PPP1R8: variants seen among roughly 807,000 people sequenced by gnomAD.
PPP1R8 encodes the protein nuclear inhibitor of protein phosphatase 1.
In PPP1R8, 4 loss-of-function variants were observed where a neutral mutation model predicts 31.3. That is an observed-to-expected ratio of 0.13 (90% CI 0.06 to 0.29). The LOEUF (loss-of-function observed/expected upper bound fraction) is 0.29. Ranked by LOEUF, PPP1R8 falls within the 10% of genes least tolerant of loss-of-function variation. PPP1R8 has a pLI of 1.00. For synonymous variants in PPP1R8, 170 were observed against 169.7 expected (o/e 1.00, Z -0.01); for missense variants, 254 against 440.1 (o/e 0.58, Z 3.78).
At chr1:27,841,770 A>G (rs181365328) in intron 4 of PPP1R8, among the ~76,000 whole-genome samples, 60 of 152,340 alleles carry the variant, frequency 3.9e-4, no homozygotes, top group Middle Eastern at 6.8e-3. Flanking sequence ...TCTTCTGAAT[A>G]GAGCCAGACT....
At chr1:27,843,688 C>T (rs919992437) in intron 5 of PPP1R8, among the ~76,000 whole-genome samples, 1 of 151,930 alleles carries the variant, frequency 6.6e-6, no homozygotes, top group Non-Finnish European at 1.5e-5. Flanking sequence ...CATAGTGGCT[C>T]ATGCCTATAA....
chr1:27,835,058 G>A (rs1054876119), intron 2 of PPP1R8, among the ~76,000 whole-genome samples: 2 of 152,010 alleles, frequency 1.3e-5, no homozygotes, highest in African/African-American at 4.8e-5. Context: ...TGTAATTGGG[G>A]TGCCTTTAAT....
intron 5 of PPP1R8, among the ~76,000 whole-genome samples, chr1:27,845,783 CTTTT>C (rs773994854): frequency 1.7e-4 from 16 of 91,814 alleles, no homozygotes; most frequent in African/African-American, 3.0e-4. Context: ...TTCTTTCTTT[CTTTT>C]TTTTTTTTTT....
At position 27,830,797 on chromosome 1, in the gene PPP1R8, C is replaced by T. The variant is rs17362452; in HGVS notation, c.-39C>T. On this transcript the variant is annotated 5_prime_UTR_variant, in exon 1 of 7. Coordinates refer to ENST00000311772, the MANE Select transcript of PPP1R8 (RefSeq NM_014110.5). ...CCTTCTCGGTCTTCCAGTTTCCCGG[C>T]GTGCTTAGGGCGCGCCAAATGGGAG... 5,231 of 1,559,714 alleles carry T rather than the reference C, an allele frequency of 3.4e-3. 49 individuals carry two copies. Among genetic ancestry groups the T allele is most frequent in the South Asian group, 0.021 (1,762 of 84,628 alleles).
rs1352236761 is a variant in PPP1R8, at chr1:27,843,258, A to G, written c.565A>G (p.Ile189Val). ...TACCATTGAGGAGGGAAATCTGGAC[A>G]TTCAAAGACCAAAGAGGAAGAGGAA... ...TLTIEEGNLD[I>V]QRPKRKRKNS... is the part of the protein sequence containing the mutation. The change falls in exon 5 of 7, where the codon ATT becomes GTT. Residue 189 changes from isoleucine to valine, a missense_variant. Around this residue, in one of 6 missense-constraint regions of PPP1R8, gnomAD observed 29 missense variants for 99.2 expected, o/e 0.29. Coordinates refer to ENST00000311772, the MANE Select transcript of PPP1R8 (RefSeq NM_014110.5). 2.5e-6 allele frequency: 4 copies of G among 1,614,114 alleles called. No homozygotes were observed. The Admixed American group carries it at 6.7e-5, about 27-fold the overall frequency.
intron 2 of PPP1R8, among the ~76,000 whole-genome samples, chr1:27,835,138 T>G (rs2089151017): frequency 6.6e-6 from 1 of 152,052 alleles, no homozygotes; most frequent in South Asian, 2.1e-4. Flanking sequence ...AAATCTCTAG[T>G]ATGTCTTTTG....
At chr1:27,845,384 C>T (rs1285858036) in intron 5 of PPP1R8, among the ~76,000 whole-genome samples, 28 of 147,774 alleles carry the variant, frequency 1.9e-4, no homozygotes, top group Non-Finnish European at 3.6e-4. Context: ...AGCAAGACTC[C>T]GTTTCAAAAA....
intron 2 of PPP1R8, among the ~76,000 whole-genome samples, chr1:27,833,136 A>C (rs2089128331): frequency 6.6e-6 from 1 of 152,168 alleles, no homozygotes; most frequent in African/African-American, 2.4e-5. Context: ...TAAACCGTGC[A>C]AGGTATGCAG....
intron 3 of PPP1R8, among the ~76,000 whole-genome samples, chr1:27,840,342 G>A (rs550195839): frequency 4.7e-4 from 71 of 152,196 alleles, no homozygotes; most frequent in Non-Finnish European, 9.1e-4. Flanking sequence ...CTTATATAAG[G>A]GTCTTGGAGA....
chr1:27,846,757 G>A lies in PPP1R8; in HGVS notation c.638-271G>A, dbSNP rs750412106. Among the ~76,000 whole-genome samples, 4 of 152,140 alleles carry A rather than the reference G, an allele frequency of 2.6e-5. No individual in the cohort carries two copies. In the South Asian group the frequency reaches 6.2e-4, roughly 24 times the overall value. Reference sequence around the variant, plus strand: ...TTGAACTACTTGGACTCAAGTCCTGGCTCCTGTACTCTCCACCAGAGCAAC... The same window carrying A: ...TTGAACTACTTGGACTCAAGTCCTGACTCCTGTACTCTCCACCAGAGCAAC... On this transcript the variant is annotated intron_variant, in intron 5 of 6. Transcript: ENST00000311772.
At chr1:27,837,203 G>A (rs1444567654) in intron 2 of PPP1R8, among the ~76,000 whole-genome samples, 5 of 152,068 alleles carry the variant, frequency 3.3e-5, no homozygotes, top group East Asian at 1.9e-4. Context: ...AGTCTGAGGC[G>A]GGTGGATCAT....
rs137978838 is a variant in PPP1R8, at chr1:27,835,591, C to G, written c.117+2775C>G. ...CCAAGCTAGCCTGAATTAATTGAACCTTAAGGCTGAGCTTGAAAGAAACTG... is the reference window on the plus strand; with the variant it reads ...CCAAGCTAGCCTGAATTAATTGAACGTTAAGGCTGAGCTTGAAAGAAACTG... On this transcript the variant is annotated intron_variant, in intron 2 of 6. Coordinates refer to ENST00000311772, the MANE Select transcript of PPP1R8 (RefSeq NM_014110.5). Among the ~76,000 whole-genome samples, 502 of 152,280 alleles carry G rather than the reference C, an allele frequency of 3.3e-3. 4 individuals carry two copies. Among genetic ancestry groups the G allele is most frequent in the African/African-American group, 0.011 (474 of 41,548 alleles).
intron 3 of PPP1R8, among the ~76,000 whole-genome samples, chr1:27,839,563 C>CT (rs902374624): frequency 2.6e-5 from 4 of 152,164 alleles, no homozygotes; most frequent in African/African-American, 7.2e-5. Context: ...CACCCAGGAA[C>CT]TAGGGACCAT....
rs2089326224 is a variant in PPP1R8 at position 27,850,089 on chromosome 1, G to A, written c.703-4G>A. 5.1e-6 allele frequency: 8 copies of A among 1,560,116 alleles called. No individual in the cohort carries two copies. In the East Asian group the frequency reaches 1.6e-4, roughly 31 times the overall value. ...CTCTCCCCTCTCCTCATCGTGAACT[G>A]TAGAAGAAGCGTGTGGAGGGCCCTG... On this transcript the variant is annotated splice_polypyrimidine_tract_variant and splice_region_variant and intron_variant, in intron 6 of 6. Coordinates refer to ENST00000311772, the MANE Select transcript of PPP1R8 (RefSeq NM_014110.5).
chr1:27,832,891 T>C, intron 2 of PPP1R8, 75 bp downstream of exon 2: 1 of 1,234,600 alleles, frequency 8.1e-7, no homozygotes, highest in Middle Eastern at 1.9e-4. Flanking sequence ...TTCCACCCCC[T>C]CTCCTGTGCT....
intron 1 of PPP1R8, chr1:27,831,490 A>G (rs2089106937): frequency 2.2e-6 from 1 of 449,352 alleles, no homozygotes; most frequent in South Asian, 9.5e-5. Context: ...AAATAATTTA[A>G]TTTGGTCTTT....
Position 27,841,034 on chromosome 1 carries a change from C to T in PPP1R8, c.292C>T (p.His98Tyr), listed in dbSNP as rs749729862. 1 of 1,614,068 alleles carries T rather than the reference C, an allele frequency of 6.2e-7. No individual in the cohort carries two copies. Among genetic ancestry groups the T allele is most frequent in the Admixed American group, 1.7e-5 (1 of 59,996 alleles). The change falls in exon 4 of 7, where the codon CAC becomes TAC. Residue 98 changes from histidine (H) to tyrosine (Y), a missense_variant. Physicochemically the swap from His to Tyr is moderately conservative, Grantham distance 83 (BLOSUM62 2). Coordinates refer to ENST00000311772, the MANE Select transcript of PPP1R8 (RefSeq NM_014110.5). ...LNSTHGTFLG[H>Y]IRLEPHKPQQ... The stretch of plus-strand genomic sequence containing the variant: ...CCCAGCACACGGCACTTTCTTGGGT[C>T]ACATTCGGTTGGAACCTCACAAGCC...
chr1:27,831,046 G>A (rs1431522263), intron 1 of PPP1R8, 155 bp downstream of exon 1: 2 of 1,393,840 alleles, frequency 1.4e-6, no homozygotes, highest in African/African-American at 1.5e-5. Flanking sequence ...GCCGGGCGAC[G>A]TGTTGAAGAA....
rs757229176 is a variant in PPP1R8 at position 27,847,032 on chromosome 1, T to C, written c.642T>C (p.Asp214=). ...SEDDEIINPE[D]VDPSVGRFRN... ...TGCCCTCTTCTCTTTTTGCAGAGGA[T>C]GTGGATCCCTCAGTTGGTCGATTCA... Residue 214 remains aspartate, a synonymous_variant, in exon 6 of 7, where the codon GAT becomes GAC. Transcript: ENST00000311772. 6.2e-7 allele frequency: 1 copy of C among 1,614,024 alleles called. No homozygotes were observed.
Sources: gnomAD v4.1 joint callset for allele counts (sites outside exome capture counted in the v4.1 genomes callset) on GRCh38, gnomAD v4.1.1 for gene constraint, gnomAD v4.1.1 regional missense constraint, MANE v1.5 for transcripts, NCBI Gene and HGNC (gene_info 2026-07-23, HGNC 2026-07-21) for gene names.